The following FRMD4A variants were observed in gnomAD, a reference collection of about 807,000 sequenced individuals.
FRMD4A encodes the protein FERM domain-containing protein 4A.
In FRMD4A, 29 loss-of-function variants were observed where a neutral mutation model predicts 129.1. The observed-to-expected ratio is 0.22, with a 90% confidence interval of 0.17 to 0.31. FRMD4A has a LOEUF of 0.31. Among genes scored for constraint, FRMD4A ranks in the 10% least tolerant of loss-of-function variants. FRMD4A has a pLI of 1.00. For synonymous variants in FRMD4A, 634 were observed against 571.6 expected (o/e 1.11, Z -1.56); for missense variants, 1,272 against 1,375.8 (o/e 0.92, Z 1.19).
intron 2 of FRMD4A, among the ~76,000 whole-genome samples, chr10:13,874,044 G>T (rs12778034): frequency 0.047 from 7,024 of 149,788 alleles, 183 homozygotes; most frequent in South Asian, 0.075. Flanking sequence ...GTCAGGAGTT[G>T]AGACCAGCCT....
At chr10:14,039,487 T>A (rs1352957209) in intron 2 of FRMD4A, among the ~76,000 whole-genome samples, 1 of 151,222 alleles carries the variant, frequency 6.6e-6, no homozygotes, top group African/African-American at 2.4e-5. Context: ...TCTATCTATC[T>A]ATCTATCTAT....
At chr10:14,269,083 T>C (rs77438820) in intron 2 of FRMD4A, among the ~76,000 whole-genome samples, 5,514 of 152,272 alleles carry the variant, frequency 0.036, 333 homozygotes, top group African/African-American at 0.12. Context: ...TGAAGTCCCA[T>C]GATAATAGCT....
chr10:14,005,286 T>C (rs984633771), intron 2 of FRMD4A, among the ~76,000 whole-genome samples: 4 of 152,154 alleles, frequency 2.6e-5, no homozygotes, highest in African/African-American at 9.7e-5. Context: ...TCTCCCAAAG[T>C]GCTGGGATTA....
At chr10:13,769,228 T>C (rs943489373) in intron 6 of FRMD4A, among the ~76,000 whole-genome samples, 16 of 151,576 alleles carry the variant, frequency 1.1e-4, no homozygotes, top group Non-Finnish European at 2.2e-4. Context: ...TGTGTGTGTG[T>C]GTGTGTGTGT....
At chr10:14,279,059 A>G (rs1389097964) in intron 2 of FRMD4A, among the ~76,000 whole-genome samples, 1 of 151,970 alleles carries the variant, frequency 6.6e-6, no homozygotes, top group Non-Finnish European at 1.5e-5. Flanking sequence ...AATGTTGAGC[A>G]CCTGTGTTGG....
At chr10:13,907,262 G>A (rs1193782879) in intron 2 of FRMD4A, among the ~76,000 whole-genome samples, 1 of 152,102 alleles carries the variant, frequency 6.6e-6, no homozygotes, top group Non-Finnish European at 1.5e-5. Context: ...CCTAAACTAT[G>A]ATCAGCTAAT....
chr10:14,325,645 G>A (rs953722107), intron 2 of FRMD4A, among the ~76,000 whole-genome samples: 33 of 152,242 alleles, frequency 2.2e-4, no homozygotes, highest in African/African-American at 8.0e-4. Flanking sequence ...TACAGTTCCT[G>A]CGTATCTCCA....
intron 24 of FRMD4A, among the ~76,000 whole-genome samples, chr10:13,649,814 A>G (rs2081401888): frequency 6.6e-6 from 1 of 152,218 alleles, no homozygotes; most frequent in African/African-American, 2.4e-5. Context: ...ACCCTTAGGA[A>G]GCATTTATTC....
chr10:13,815,055 C>T lies in FRMD4A; in HGVS notation c.112-4147G>A, dbSNP rs536071907. ...CTAATTCCATGCCTCCCAAGGAACA[C>T]CTACATCCTGGATATGTCCCTCATA... On this transcript the variant is annotated intron_variant, in intron 3 of 24. Coordinates refer to ENST00000357447, the MANE Select transcript of FRMD4A (RefSeq NM_018027.5). 8.5e-5 allele frequency among the ~76,000 whole-genome samples: 13 copies of T among 152,240 alleles called. No homozygotes were observed. The South Asian group carries it at 2.5e-3, about 29-fold the overall frequency.
At chr10:13,774,134 C>G (rs2092537620) in intron 6 of FRMD4A, among the ~76,000 whole-genome samples, 1 of 152,208 alleles carries the variant, frequency 6.6e-6, no homozygotes, top group African/African-American at 2.4e-5. Flanking sequence ...CTATTCCACA[C>G]TTCCTCCTGC....
chr10:14,179,556 G>A (rs1311143079), intron 2 of FRMD4A, among the ~76,000 whole-genome samples: 3 of 152,042 alleles, frequency 2.0e-5, no homozygotes, highest in Non-Finnish European at 4.4e-5. Context: ...TCCGAACCTA[G>A]CACAGAGAAA....
intron 2 of FRMD4A, among the ~76,000 whole-genome samples, chr10:14,079,570 G>C (rs779804550): frequency 1.3e-5 from 2 of 152,198 alleles, no homozygotes; most frequent in South Asian, 2.1e-4. Context: ...TTAATAAAAA[G>C]GGTGAAACCT....
chr10:14,088,757 G>C (rs1179801351), intron 2 of FRMD4A, among the ~76,000 whole-genome samples: 1 of 141,288 alleles, frequency 7.1e-6, no homozygotes, highest in Non-Finnish European at 1.5e-5. Context: ...CTGCACTCCA[G>C]CCTGGGGGAC....
In FRMD4A at chr10:13,833,888, C is replaced by T. The variant is rs145907655; in HGVS notation, c.112-22980G>A. Among the ~76,000 whole-genome samples the T allele has an allele frequency of 2.3e-3, 352 of 152,092 alleles. 1 individual carries two copies. The highest frequency in any genetic ancestry group is 8.0e-3 in the African/African-American group (334 of 41,510). ...GTCTGACCCAGAGGCAGGGTCTGGGCGCTTAAAAGTTAAGTCCAAAGTGGG... is the reference window on the plus strand; with the variant it reads ...GTCTGACCCAGAGGCAGGGTCTGGGTGCTTAAAAGTTAAGTCCAAAGTGGG... On this transcript the variant is annotated intron_variant, in intron 3 of 24. Transcript: ENST00000357447.
chr10:13,970,990 T>C (rs2095514292), intron 2 of FRMD4A, among the ~76,000 whole-genome samples: 1 of 152,194 alleles, frequency 6.6e-6, no homozygotes, highest in East Asian at 1.9e-4. Flanking sequence ...GGCTCAGTGT[T>C]GGTGCCTGAG....
intron 2 of FRMD4A, among the ~76,000 whole-genome samples, chr10:13,878,488 C>T (rs956535270): frequency 6.6e-6 from 1 of 152,072 alleles, no homozygotes; most frequent in Non-Finnish European, 1.5e-5. Context: ...CATGGTGGCT[C>T]ACACCTGTAA....
chr10:14,078,869 G>C (rs771835189), intron 2 of FRMD4A, among the ~76,000 whole-genome samples: 5 of 152,190 alleles, frequency 3.3e-5, no homozygotes, highest in Admixed American at 6.5e-5. Flanking sequence ...ATCTGCCTTA[G>C]TGTCTTCCGG....
At chr10:13,904,441 T>C (rs1046759918) in intron 2 of FRMD4A, among the ~76,000 whole-genome samples, 2 of 152,192 alleles carry the variant, frequency 1.3e-5, no homozygotes, top group Non-Finnish European at 2.9e-5. Flanking sequence ...AAATAACCCA[T>C]GCGCATCTCT....
intron 2 of FRMD4A, among the ~76,000 whole-genome samples, chr10:14,075,216 G>A (rs1037068641): frequency 4.9e-4 from 75 of 152,228 alleles, no homozygotes; most frequent in African/African-American, 1.7e-3. Context: ...TTTCCTTCCA[G>A]TTGTAAGCAC....
Sources: allele counts gnomAD v4.1 joint callset (sites outside exome capture counted in the v4.1 genomes callset), GRCh38; gene constraint gnomAD v4.1.1; transcripts MANE v1.5; gene names NCBI Gene and HGNC (gene_info 2026-07-23, HGNC 2026-07-21).